NEIL1: variants seen among roughly 807,000 people sequenced by gnomAD.
NEIL1 encodes endonuclease 8-like 1.
A neutral mutation model predicts 44.2 loss-of-function variants in NEIL1; 31 were observed. The ratio of observed to expected loss-of-function variants is 0.70; its 90% CI spans 0.53 to 0.95. The LOEUF (loss-of-function observed/expected upper bound fraction) is 0.95, where lower values mean the gene tolerates loss of function less well. NEIL1 is among the 40% of genes least tolerant of loss of function. NEIL1 has a pLI of 0.00. For synonymous variants in NEIL1, 254 were observed against 209.7 expected (o/e 1.21, Z -1.83); for missense variants, 549 against 515.5 (o/e 1.07, Z -0.63).
In NEIL1 at chr15:75,349,342, A is replaced by C; in HGVS notation, c.434+3A>C. 4 of 1,600,222 alleles carry C rather than the reference A, an allele frequency of 2.5e-6. No individual in the cohort carries two copies. Among genetic ancestry groups the C allele is most frequent in the East Asian group, 4.5e-5 (2 of 44,672 alleles). On this transcript the variant is annotated splice_donor_region_variant and intron_variant, in intron 2 of 9. Coordinates refer to ENST00000355059, the MANE Select transcript of NEIL1 (RefSeq NM_024608.4). ...TTGCAGGAGTACCAGCAGTTCAGGT[A>C]GGGCCAGCACCAGGTGTGATGAACA...
intron 6 of NEIL1, 113 bp downstream of exon 6, chr15:75,353,979 C>T (rs1321006627): frequency 4.3e-6 from 6 of 1,384,640 alleles, no homozygotes; most frequent in Non-Finnish European, 6.0e-6. Context: ...CCTCCAAGGA[C>T]CACACTGTTC....
At position 75,354,173 on chromosome 15, in the gene NEIL1, T is replaced by A. The variant is rs551748083; in HGVS notation, c.847-77T>A. Reference sequence around the variant, plus strand: ...CTACACTGATCTGGATGGGTGTGTGTGAGTCCTGCCTCTCCAAGGAATACC... The same window carrying A: ...CTACACTGATCTGGATGGGTGTGTGAGAGTCCTGCCTCTCCAAGGAATACC... On this transcript the variant is annotated intron_variant, in intron 6 of 9. Coordinates refer to ENST00000355059, the MANE Select transcript of NEIL1 (RefSeq NM_024608.4). The A allele has an allele frequency of 2.1e-4, 313 of 1,508,940 alleles. 1 individual carries two copies. The African/African-American group carries it at 3.9e-3, about 19-fold the overall frequency. 93.5% of individuals were successfully genotyped at this position (1,508,940 alleles called of 1,614,324 possible). A position where few individuals can be genotyped will look rare whatever the true frequency, so the allele number is the denominator to read the frequency against.
At chr15:75,351,307 G>A (rs1390815168) in intron 2 of NEIL1, 9 of 425,508 alleles carry the variant, frequency 2.1e-5, no homozygotes, top group East Asian at 7.4e-5. Flanking sequence ...ACAGGGTCTC[G>A]CTCTGTTGCC....
In NEIL1 at chr15:75,354,432, G is replaced by T. The variant is rs1244884180; in HGVS notation, c.876G>T (p.Gly292=). Residue 292 remains glycine (G), a splice_region_variant and synonymous_variant, in exon 8 of 10, where the codon GGG becomes GGT. Transcript: ENST00000355059. ...QGDPGPLAPK[G]RKSRKKKSKA... is the part of the protein sequence containing the mutation. ...AACTCCAACACCAGTGTCCTGCAGG[G>T]CGCAAGTCCCGCAAAAAGAAATCCA... 6.2e-7 allele frequency: 1 copy of T among 1,614,168 alleles called. No homozygotes were observed. Among genetic ancestry groups the T allele is most frequent in the Admixed American group, 1.7e-5 (1 of 60,020 alleles).
chr15:75,353,142 C>CA (rs1195902594), intron 5 of NEIL1: 3,155 of 95,100 alleles, frequency 0.033, 13 homozygotes, highest in South Asian at 0.062. Context: ...AACTCCATCT[C>CA]AAAAAAAAAA....
chr15:75,352,408 A>G, intron 4 of NEIL1, 21 bp downstream of exon 4: 2 of 1,612,560 alleles, frequency 1.2e-6, no homozygotes, highest in Non-Finnish European at 1.7e-6. Context: ...AGAGGGATGG[A>G]GCACACGTGC....
chr15:75,348,006 GGCAAA>G, intron 1 of NEIL1: 3 of 1,197,476 alleles, frequency 2.5e-6, no homozygotes, highest in Non-Finnish European at 3.2e-6. Flanking sequence ...AGAGGCAAGT[GGCAAA>G]GCAGGGAGGG....
intron 1 of NEIL1, chr15:75,348,304 G>A (rs1035091709): frequency 1.0e-6 from 1 of 985,432 alleles, no homozygotes; most frequent in African/African-American, 1.7e-5. Flanking sequence ...GCTCCCCCGC[G>A]CCAGGCCGAG....
At chr15:75,353,456 C>G in intron 5 of NEIL1, 1 of 438,134 alleles carries the variant, frequency 2.3e-6, no homozygotes, top group South Asian at 1.8e-5. Flanking sequence ...GAACTCCTGG[C>G]CCCTAGGGAT....
intron 6 of NEIL1, 131 bp from the exon 7 acceptor site, chr15:75,354,119 G>A (rs1192084524): frequency 8.8e-6 from 10 of 1,130,222 alleles, no homozygotes; most frequent in Non-Finnish European, 1.3e-5. Context: ...TAACATGGGG[G>A]ATGTCCTAGA....
In NEIL1 at chr15:75,355,771, T is replaced by A; in HGVS notation, c.*737T>A. On this transcript the variant is annotated 3_prime_UTR_variant, in exon 10 of 10. Transcript: ENST00000355059. ...CCACCCCAAGCGTGAGGATGGGCCC[T>A]AAGGGGACTGAGCAGCAGGGTTCCC... 8.0e-6 allele frequency: 5 copies of A among 625,804 alleles called. No homozygotes were observed. Among genetic ancestry groups the A allele is most frequent in the East Asian group, 6.3e-5 (1 of 15,926 alleles). The allele number at this position is 625,804 out of a possible 1,614,324, so 38.8% of individuals were successfully genotyped here.
Position 75,356,552 on chromosome 15 carries a change from AG to A in NEIL1, c.*1521del. The A allele has an allele frequency of 6.5e-7, 1 of 1,548,096 alleles. No homozygotes were observed. Among genetic ancestry groups the A allele is most frequent in the Non-Finnish European group, 8.7e-7 (1 of 1,144,262 alleles). On this transcript the variant is annotated 3_prime_UTR_variant, in exon 10 of 10. Transcript: ENST00000355059. The surrounding 1 kb of genome is among the most constrained non-coding windows in gnomAD (Gnocchi z 5.8). The stretch of plus-strand genomic sequence containing the variant: ...GGTTGCTGGGGTTTGGGCTCAGGGA[AG>A]GGCAGAGAGGTGTCTAGGGCTGCAG...
In NEIL1 at chr15:75,355,977, G is replaced by A. The variant is rs373931168; in HGVS notation, c.*943G>A. On this transcript the variant is annotated 3_prime_UTR_variant, in exon 10 of 10. Transcript: ENST00000355059. ...AAGGGAGAAAAGGTGAGCTTCAGGC[G>A]GTTGTCCCGAAGGGTCAAGTGGCCA... 9.9e-5 allele frequency: 160 copies of A among 1,614,106 alleles called. No homozygotes were observed. The highest frequency in any genetic ancestry group is 9.2e-4 in the South Asian group (84 of 91,080).
intron 2 of NEIL1, chr15:75,351,422 T>C (rs1307173043): frequency 2.7e-6 from 1 of 369,828 alleles, no homozygotes; most frequent in Non-Finnish European, 5.2e-6. Flanking sequence ...ACCACAGGAG[T>C]GCATCACTAA....
At chr15:75,351,302 G>C in intron 2 of NEIL1, 1 of 442,732 alleles carries the variant, frequency 2.3e-6, no homozygotes, top group Non-Finnish European at 4.5e-6. Context: ...TTGAGACAGG[G>C]TCTCGCTCTG....
At position 75,356,623 on chromosome 15, in the gene NEIL1, G is replaced by C; in HGVS notation, c.*1589G>C. The C allele has an allele frequency of 6.4e-7, 1 of 1,564,444 alleles. No individual in the cohort carries two copies. Among genetic ancestry groups the C allele is most frequent in the Non-Finnish European group, 8.7e-7 (1 of 1,154,880 alleles). The stretch of plus-strand genomic sequence containing the variant: ...GCACTCACCCTTGTGCGGCATCAGT[G>C]CATAGGTGAACTCGTGGCGCCCCGT... On this transcript the variant is annotated 3_prime_UTR_variant, in exon 10 of 10. Coordinates refer to ENST00000355059, the MANE Select transcript of NEIL1 (RefSeq NM_024608.4). This position sits in a 1 kb window ranked among gnomAD's most constrained non-coding sequence, Gnocchi z 5.8.
At position 75,352,332 on chromosome 15, in the gene NEIL1, T is replaced by TC. The variant is rs34322656; in HGVS notation, c.570dup (p.Phe191LeufsTer2). The TC allele has an allele frequency of 9.9e-6, 16 of 1,613,314 alleles. No homozygotes were observed. The highest frequency in any genetic ancestry group is 6.7e-5 in the Admixed American group (4 of 59,934). ...CCTTGCCCCCACTACAGGCTGAAGA[T>TC]CCCCCCCTTTGAGAAGGCCCGCTCG... On this transcript the variant is annotated frameshift_variant, in exon 4 of 10. Transcript: ENST00000355059. LOFTEE classifies it high-confidence loss of function.
chr15:75,355,745 C>G lies in NEIL1; in HGVS notation c.*711C>G, dbSNP rs548988769. 221 of 766,382 alleles carry G rather than the reference C, an allele frequency of 2.9e-4. 3 individuals carry two copies. The South Asian group carries it at 3.5e-3, about 12-fold the overall frequency. The allele number at this position is 766,382 out of a possible 1,614,324, so 47.5% of individuals were successfully genotyped here. ...GCCATCCCACCCCAGACTTCCCACC[C>G]CCACCCCAAGCGTGAGGATGGGCCC... On this transcript the variant is annotated 3_prime_UTR_variant, in exon 10 of 10. Transcript: ENST00000355059.
rs778368456 is a variant in NEIL1 at position 75,356,867 on chromosome 15, G to A, written c.*1833G>A. 33 of 1,614,132 alleles carry A rather than the reference G, an allele frequency of 2.0e-5. No homozygotes were observed. The highest frequency in any genetic ancestry group is 6.7e-5 in the Admixed American group (4 of 60,026). The stretch of plus-strand genomic sequence containing the variant: ...CGTTGAGCAGGGCCAGCCCAAAGCC[G>A]TGTTCTGACAGATCCATCCAGCGAT... On this transcript the variant is annotated 3_prime_UTR_variant, in exon 10 of 10. Coordinates refer to ENST00000355059, the MANE Select transcript of NEIL1 (RefSeq NM_024608.4). This position sits in a 1 kb window ranked among gnomAD's most constrained non-coding sequence, Gnocchi z 5.8.
Sources: gnomAD v4.1 joint callset for allele counts on GRCh38, gnomAD v4.1.1 for gene constraint, Gnocchi (gnomAD v3.1) non-coding constraint, MANE v1.5 for transcripts, NCBI Gene and HGNC (gene_info 2026-07-23, HGNC 2026-07-21) for gene names.